RAB3GAP1: variants seen among roughly 807,000 people sequenced by gnomAD.
RAB3GAP1 encodes RAB3 GTPase activating protein catalytic subunit 1.
Under a neutral mutation model 130.7 loss-of-function variants are expected in RAB3GAP1, and 86 were observed. That is an observed-to-expected ratio of 0.66 (90% CI 0.55 to 0.79). RAB3GAP1 has a LOEUF of 0.79. Among genes scored for constraint, RAB3GAP1 ranks in the 30% least tolerant of loss-of-function variants. The pLI is 0.00. For synonymous variants in RAB3GAP1, 367 were observed against 401.7 expected, an observed-to-expected ratio of 0.91 and a Z score of 1.03; for missense variants, 1,029 against 1,169.4, an observed-to-expected ratio of 0.88 and a Z score of 1.75.
chr2:135,143,795 C>T (rs999614558), intron 17 of RAB3GAP1, among the ~76,000 whole-genome samples: 8 of 152,018 alleles, frequency 5.3e-5, no homozygotes, highest in Admixed American at 2.0e-4. Flanking sequence ...CTGACCCGCC[C>T]GCCTCGGCCT....
intron 6 of RAB3GAP1, among the ~76,000 whole-genome samples, chr2:135,114,504 T>C (rs777110548): frequency 6.6e-6 from 1 of 152,234 alleles, no homozygotes; most frequent in Non-Finnish European, 1.5e-5. Flanking sequence ...AAGGTAGTTA[T>C]GTGCTATAAA....
At chr2:135,081,361 T>TACACACAC (rs1553440427) in intron 3 of RAB3GAP1, among the ~76,000 whole-genome samples, 1 of 71,258 alleles carries the variant, frequency 1.4e-5, no homozygotes, top group Non-Finnish European at 2.3e-5. Flanking sequence ...TATATATATA[T>TACACACAC]ACACACACGT....
chr2:135,058,149 C>T, intron 3 of RAB3GAP1, 63 bp downstream of exon 3: 1 of 1,369,086 alleles, frequency 7.3e-7, no homozygotes, highest in Non-Finnish European at 1.0e-6. Flanking sequence ...TTTTCCAGCC[C>T]TTTGCTGCAT....
At chr2:135,083,779 T>TG (rs1359283293) in intron 3 of RAB3GAP1, among the ~76,000 whole-genome samples, 7 of 150,182 alleles carry the variant, frequency 4.7e-5, no homozygotes, top group Non-Finnish European at 1.0e-4. Flanking sequence ...TTTTTTTTTT[T>TG]TTTTTTTTTT....
chr2:135,150,313 G>T (rs1692139106), intron 17 of RAB3GAP1, 56 bp from the exon 18 acceptor site: 1 of 1,599,022 alleles, frequency 6.3e-7, no homozygotes, highest in African/African-American at 1.3e-5. Context: ...TATTTTTATG[G>T]TACTTCTTTT....
At chr2:135,168,365 C>T (rs548212844) in intron 23 of RAB3GAP1, among the ~76,000 whole-genome samples, 180 bp from the exon 24 acceptor site, 1 of 152,348 alleles carries the variant, frequency 6.6e-6, no homozygotes, top group Non-Finnish European at 1.5e-5. Context: ...TGCAGTGTCT[C>T]AAGCTTCTTG....
chr2:135,077,558 CA>C (rs1323363653), intron 3 of RAB3GAP1, among the ~76,000 whole-genome samples: 1 of 152,180 alleles, frequency 6.6e-6, no homozygotes, highest in Non-Finnish European at 1.5e-5. Flanking sequence ...CTGCTGGTGT[CA>C]CCTCTTTTGG....
intron 3 of RAB3GAP1, among the ~76,000 whole-genome samples, chr2:135,067,994 C>T (rs1025531486): frequency 6.6e-6 from 1 of 152,194 alleles, no homozygotes; most frequent in Non-Finnish European, 1.5e-5. Flanking sequence ...CCCGCCTCAG[C>T]CTCCCAAAAT....
At chr2:135,124,746 A>G (rs1046587238) in intron 9 of RAB3GAP1, among the ~76,000 whole-genome samples, 10 of 152,356 alleles carry the variant, frequency 6.6e-5, no homozygotes, top group African/African-American at 2.4e-4. Context: ...ATATTCATCT[A>G]TAACTCAGCA....
intron 5 of RAB3GAP1, among the ~76,000 whole-genome samples, chr2:135,102,882 G>A (rs1051220320): frequency 6.6e-6 from 1 of 151,390 alleles, no homozygotes; most frequent in African/African-American, 2.4e-5. Flanking sequence ...GGGCGTGGTG[G>A]CGCACACCTG....
In RAB3GAP1 at chr2:135,070,930, A is replaced by G. The variant is rs183744090; in HGVS notation, c.150+12844A>G. On this transcript the variant is annotated intron_variant, in intron 3 of 23. Coordinates refer to ENST00000264158, the MANE Select transcript of RAB3GAP1 (RefSeq NM_012233.3). ...ATACTCAAAGGAGCCCATGACCCCA[A>G]AAAGGTTAAATAAAAGCTAACGTTT... Among the ~76,000 whole-genome samples the G allele has an allele frequency of 2.7e-3, 416 of 152,314 alleles. 1 individual carries two copies. Among genetic ancestry groups the G allele is most frequent in the African/African-American group, 9.8e-3 (406 of 41,542 alleles).
At position 135,102,052 on chromosome 2, in the gene RAB3GAP1, G is replaced by A. The variant is rs1363674947; in HGVS notation, c.362+8359G>A. Among the ~76,000 whole-genome samples the A allele has an allele frequency of 3.3e-5, 5 of 152,194 alleles. No individual in the cohort carries two copies. In the East Asian group the frequency reaches 9.6e-4, roughly 29 times the overall value. On this transcript the variant is annotated intron_variant, in intron 5 of 23. Transcript: ENST00000264158. ...TAAATCTTAGAACCTGTGGATATAA[G>A]TTATGTGGCAAGAGGAATTAAGGGA... is the stretch of plus-strand genomic sequence containing the variant.
chr2:135,056,360 G>A (rs1250472179), intron 2 of RAB3GAP1, among the ~76,000 whole-genome samples: 12 of 151,790 alleles, frequency 7.9e-5, no homozygotes, highest in Non-Finnish European at 1.0e-4. Context: ...CTGCCACCGC[G>A]CCTGGCTAAT....
At chr2:135,089,618 A>G (rs1295791140) in intron 3 of RAB3GAP1, 2 of 156,988 alleles carry the variant, frequency 1.3e-5, no homozygotes, top group Admixed American at 6.4e-5. Flanking sequence ...TCATTCTACT[A>G]TAAAGACACA....
chr2:135,145,667 A>T (rs2104969361), intron 17 of RAB3GAP1, among the ~76,000 whole-genome samples: 1 of 152,280 alleles, frequency 6.6e-6, no homozygotes, highest in South Asian at 2.1e-4. Context: ...CATTTAAATG[A>T]AATAGTACCT....
intron 7 of RAB3GAP1, among the ~76,000 whole-genome samples, chr2:135,117,468 G>GCTTCTTCTTCTGCTTCTTCTT (rs1558784128): frequency 3.3e-5 from 1 of 30,718 alleles, no homozygotes; most frequent in Non-Finnish European, 8.1e-5. Flanking sequence ...TTCTGCTTCT[G>GCTTCTTCTTCTGCTTCTTCTT]CTTCTGCTTC....
chr2:135,162,737 T>C lies in RAB3GAP1; in HGVS notation c.2387-11T>C, dbSNP rs751423500. The stretch of plus-strand genomic sequence containing the variant: ...TTTATTTAATGCTGGCTTCAATCTT[T>C]TCTAAAATAGAAAGTCTCGAAAACA... On this transcript the variant is annotated splice_polypyrimidine_tract_variant and intron_variant, in intron 20 of 23. Coordinates refer to ENST00000264158, the MANE Select transcript of RAB3GAP1 (RefSeq NM_012233.3). 6.2e-7 allele frequency: 1 copy of C among 1,610,338 alleles called. No individual in the cohort carries two copies. Among genetic ancestry groups the C allele is most frequent in the East Asian group, 2.2e-5 (1 of 44,846 alleles).
chr2:135,086,970 C>T (rs911145372), intron 3 of RAB3GAP1, among the ~76,000 whole-genome samples: 8 of 151,990 alleles, frequency 5.3e-5, no homozygotes, highest in African/African-American at 1.7e-4. Flanking sequence ...GCCACCTAAT[C>T]GTTTTCTTAA....
chr2:135,150,240 T>C (rs554984983), intron 17 of RAB3GAP1, 129 bp from the exon 18 acceptor site: 11 of 1,137,266 alleles, frequency 9.7e-6, no homozygotes, highest in South Asian at 1.4e-5. Flanking sequence ...TATGCATTTC[T>C]CTGAATTTTT....
Sources: allele counts gnomAD v4.1 joint callset (sites outside exome capture counted in the v4.1 genomes callset), GRCh38; gene constraint gnomAD v4.1.1; transcripts MANE v1.5; gene names NCBI Gene and HGNC (gene_info 2026-07-23, HGNC 2026-07-21).